REEP1: variants seen among roughly 807,000 people sequenced by gnomAD.
REEP1 encodes receptor accessory protein 1.
Under a neutral mutation model 40.3 loss-of-function variants are expected in REEP1, and 22 were observed. The ratio of observed to expected loss-of-function variants is 0.55; its 90% CI spans 0.39 to 0.78. The LOEUF (loss-of-function observed/expected upper bound fraction) is 0.78. REEP1 is among the 30% of genes least tolerant of loss of function. The pLI is 0.00. For synonymous variants in REEP1, 116 were observed against 139.2 expected, an observed-to-expected ratio of 0.83 and a Z score of 1.17; for missense variants, 280 against 361.1, an observed-to-expected ratio of 0.78 and a Z score of 1.82.
intron 1 of REEP1, among the ~76,000 whole-genome samples, chr2:86,292,226 G>T (rs1678748022): frequency 6.6e-6 from 1 of 152,168 alleles, no homozygotes. Flanking sequence ...CCACTATGCA[G>T]ATTAAATGAG....
chr2:86,328,495 A>G (rs1680613676), intron 1 of REEP1, among the ~76,000 whole-genome samples: 1 of 152,200 alleles, frequency 6.6e-6, no homozygotes, highest in African/African-American at 2.4e-5. Context: ...CCTGGCCAAC[A>G]TGGTGAAACC....
chr2:86,317,768 T>C (rs576974187), intron 1 of REEP1, among the ~76,000 whole-genome samples: 3 of 152,350 alleles, frequency 2.0e-5, no homozygotes, highest in East Asian at 3.9e-4. Context: ...CATTCTGTGA[T>C]GAAATAAGTA....
intron 6 of REEP1, among the ~76,000 whole-genome samples, chr2:86,228,767 A>C (rs1674859324): frequency 6.6e-6 from 1 of 151,946 alleles, no homozygotes; most frequent in Non-Finnish European, 1.5e-5. Flanking sequence ...AACCCTTTTT[A>C]TGTGCCTTTA....
intron 5 of REEP1, among the ~76,000 whole-genome samples, chr2:86,245,017 G>C (rs867619241): frequency 6.6e-6 from 1 of 152,252 alleles, no homozygotes. Flanking sequence ...GTGGGGGCAG[G>C]CACCTGTAAT....
At chr2:86,322,850 G>A (rs1680334172) in intron 1 of REEP1, among the ~76,000 whole-genome samples, 1 of 152,054 alleles carries the variant, frequency 6.6e-6, no homozygotes, top group Admixed American at 6.5e-5. Context: ...AAGCTCAGGA[G>A]TCTGAGGCTG....
intron 1 of REEP1, among the ~76,000 whole-genome samples, chr2:86,328,449 A>G (rs1274107787): frequency 6.6e-6 from 1 of 152,232 alleles, no homozygotes; most frequent in East Asian, 1.9e-4. Context: ...TGGGAGGCCA[A>G]GGTGAGGAAT....
rs191323724 is a variant in REEP1 at position 86,236,924 on chromosome 2, C to T, written c.418-4122G>A. Among the ~76,000 whole-genome samples, 54 of 152,222 alleles carry T rather than the reference C, an allele frequency of 3.5e-4. No homozygotes were observed. In the East Asian group the frequency reaches 4.4e-3, roughly 13 times the overall value. On this transcript the variant is annotated intron_variant, in intron 5 of 8. Transcript: ENST00000538924. Reference sequence around the variant, plus strand: ...TAATTTTTTGTATTTTTAGTAGAGACGGGGTTTCACCGTGTTAGCCAGGAT... The same window carrying T: ...TAATTTTTTGTATTTTTAGTAGAGATGGGGTTTCACCGTGTTAGCCAGGAT...
chr2:86,283,961 C>A, intron 1 of REEP1, among the ~76,000 whole-genome samples: 1 of 151,810 alleles, frequency 6.6e-6, no homozygotes. Flanking sequence ...GTGTGAAGAG[C>A]AGGATGAGCC....
chr2:86,250,993 C>T (rs1676241637), intron 5 of REEP1, among the ~76,000 whole-genome samples: 1 of 152,204 alleles, frequency 6.6e-6, no homozygotes, highest in African/African-American at 2.4e-5. Flanking sequence ...CCATCGCCTC[C>T]TTCCCCAAAA....
chr2:86,281,718 G>A (rs778212153), intron 2 of REEP1, among the ~76,000 whole-genome samples: 2 of 152,156 alleles, frequency 1.3e-5, no homozygotes, highest in African/African-American at 2.4e-5. Flanking sequence ...TTGTGGATTT[G>A]GAATGAAAGA....
intron 3 of REEP1, among the ~76,000 whole-genome samples, chr2:86,258,123 G>C (rs1367445813): frequency 6.6e-6 from 1 of 152,208 alleles, no homozygotes; most frequent in Non-Finnish European, 1.5e-5. Flanking sequence ...CCTTTCCAGA[G>C]TCTTAGTGTT....
At chr2:86,330,811 C>A (rs915286351) in intron 1 of REEP1, among the ~76,000 whole-genome samples, 2 of 152,094 alleles carry the variant, frequency 1.3e-5, no homozygotes, top group Non-Finnish European at 2.9e-5. Context: ...TCAGTGAATG[C>A]GATGAGCAGA....
At chr2:86,296,785 A>T (rs1489311515) in intron 1 of REEP1, among the ~76,000 whole-genome samples, 1 of 152,136 alleles carries the variant, frequency 6.6e-6, no homozygotes, top group East Asian at 1.9e-4. Context: ...TGAACTGGGG[A>T]GGTGGAGGTT....
intron 1 of REEP1, among the ~76,000 whole-genome samples, chr2:86,298,860 G>A (rs1377422406): frequency 6.6e-6 from 1 of 152,196 alleles, no homozygotes; most frequent in East Asian, 1.9e-4. Context: ...TGGGAATCCT[G>A]GGTCAGCAAG....
intron 4 of REEP1, among the ~76,000 whole-genome samples, chr2:86,254,311 A>T (rs1676429443): frequency 1.3e-5 from 2 of 152,172 alleles, no homozygotes; most frequent in Admixed American, 1.3e-4. Flanking sequence ...AATTACAGGC[A>T]TGCACCACCA....
chr2:86,261,021 G>A (rs1350390362), intron 3 of REEP1, among the ~76,000 whole-genome samples: 1 of 152,098 alleles, frequency 6.6e-6, no homozygotes, highest in Non-Finnish European at 1.5e-5. Flanking sequence ...TAAAATTCCA[G>A]GGCCACAGGT....
At chr2:86,318,969 T>G (rs548377584) in intron 1 of REEP1, among the ~76,000 whole-genome samples, 1 of 152,312 alleles carries the variant, frequency 6.6e-6, no homozygotes, top group Non-Finnish European at 1.5e-5. Context: ...TTTGTAAACA[T>G]TGATATTCGA....
intron 2 of REEP1, among the ~76,000 whole-genome samples, chr2:86,265,644 A>G (rs750944456): frequency 5.9e-5 from 9 of 152,202 alleles, no homozygotes; most frequent in Non-Finnish European, 1.3e-4. Context: ...AGCAATATAG[A>G]TGGAACTGGA....
intron 1 of REEP1, among the ~76,000 whole-genome samples, chr2:86,311,310 C>T (rs1250376916): frequency 1.3e-5 from 2 of 152,172 alleles, no homozygotes; most frequent in African/African-American, 4.8e-5. Flanking sequence ...GGGGGGCCAG[C>T]AGGGGCCGAT....
Sources: gnomAD v4.1 joint callset for allele counts (sites outside exome capture counted in the v4.1 genomes callset) on GRCh38, gnomAD v4.1.1 for gene constraint, MANE v1.5 for transcripts, NCBI Gene and HGNC (gene_info 2026-07-23, HGNC 2026-07-21) for gene names.